Variants in EPHA4 observed in about 807,000 individuals in gnomAD.
EPHA4 encodes ephrin type-A receptor 4.
In EPHA4, 19 loss-of-function variants were observed where a neutral mutation model predicts 108.3. The ratio of observed to expected loss-of-function variants is 0.18; its 90% CI spans 0.12 to 0.26. The LOEUF (loss-of-function observed/expected upper bound fraction) is 0.26. Ranked by LOEUF, EPHA4 falls within the 10% of genes least tolerant of loss-of-function variation. The pLI is 1.00. For synonymous variants in EPHA4, 449 were observed against 455.5 expected (o/e 0.99, Z 0.18); for missense variants, 917 against 1,254.0 (o/e 0.73, Z 4.06).
chr2:221,508,123 C>T (rs1260783260), intron 3 of EPHA4, among the ~76,000 whole-genome samples: 1 of 152,122 alleles, frequency 6.6e-6, no homozygotes, highest in African/African-American at 2.4e-5. Flanking sequence ...TAAATAGACC[C>T]GTGTCTAAGT....
intron 2 of EPHA4, among the ~76,000 whole-genome samples, chr2:221,566,866 A>G (rs141309551): frequency 0.14 from 6,391 of 45,406 alleles, 1,397 homozygotes; most frequent in African/African-American, 0.27. Flanking sequence ...GAAGAAGAAG[A>G]AGAAGAAGAA....
Position 221,499,715 on chromosome 2 carries a change from A to AAT in EPHA4, c.979+1300_979+1301dup, listed in dbSNP as rs369326575. On this transcript the variant is annotated intron_variant, in intron 4 of 17. Coordinates refer to ENST00000281821, the MANE Select transcript of EPHA4 (RefSeq NM_004438.5). Reference sequence around the variant, plus strand: ...AATAGTCATAATGATAACTAAAACTAATATATATATATATATATATATATA... The same window carrying AAT: ...AATAGTCATAATGATAACTAAAACTAATATATATATATATATATATATATATA... 4.9e-3 allele frequency among the ~76,000 whole-genome samples: 239 copies of AAT among 48,444 alleles called. 3 individuals carry two copies. Among genetic ancestry groups the AAT allele is most frequent in the Admixed American group, 7.7e-3 (18 of 2,326 alleles). 31.8% of individuals were successfully genotyped at this position (48,444 alleles called of 152,430 possible). A position where few individuals can be genotyped will look rare whatever the true frequency, so the allele number is the denominator to read the frequency against.
At chr2:221,438,221 C>A (rs1690308160) in intron 11 of EPHA4, among the ~76,000 whole-genome samples, 1 of 151,836 alleles carries the variant, frequency 6.6e-6, no homozygotes, top group South Asian at 2.1e-4. Flanking sequence ...ATTTTAAGCT[C>A]TGAGCAGAAT....
chr2:221,477,147 T>C (rs1039666368), intron 5 of EPHA4, among the ~76,000 whole-genome samples: 2 of 152,118 alleles, frequency 1.3e-5, no homozygotes, highest in African/African-American at 4.8e-5. Context: ...GTTCATCTGA[T>C]GGCAAAACAG....
At chr2:221,536,484 C>T (rs1693672886) in intron 3 of EPHA4, among the ~76,000 whole-genome samples, 1 of 152,186 alleles carries the variant, frequency 6.6e-6, no homozygotes, top group African/African-American at 2.4e-5. Context: ...TCCCCAAATC[C>T]TCATTAATTC....
At chr2:221,522,902 G>T (rs999953397) in intron 3 of EPHA4, among the ~76,000 whole-genome samples, 2 of 151,872 alleles carry the variant, frequency 1.3e-5, no homozygotes, top group African/African-American at 2.4e-5. Context: ...TGAGTAGCTG[G>T]GATTACAGGT....
At chr2:221,537,453 C>T (rs532314101) in intron 3 of EPHA4, among the ~76,000 whole-genome samples, 1 of 152,286 alleles carries the variant, frequency 6.6e-6, no homozygotes, top group African/African-American at 2.4e-5. Context: ...ATTAAATCCA[C>T]CTTAAGGGAC....
At chr2:221,439,176 A>T (rs1250545295) in intron 11 of EPHA4, among the ~76,000 whole-genome samples, 3 of 152,134 alleles carry the variant, frequency 2.0e-5, no homozygotes, top group Admixed American at 2.0e-4. Context: ...AAAAAGTGGG[A>T]ATCTTGGTGC....
chr2:221,478,883 CA>C (rs1341728991), intron 5 of EPHA4, among the ~76,000 whole-genome samples: 1 of 152,216 alleles, frequency 6.6e-6, no homozygotes, highest in African/African-American at 2.4e-5. Context: ...CACATCCTTC[CA>C]TCAGCTTATC....
At chr2:221,538,909 T>G (rs1242530319) in intron 3 of EPHA4, among the ~76,000 whole-genome samples, 1 of 152,254 alleles carries the variant, frequency 6.6e-6, no homozygotes, top group Non-Finnish European at 1.5e-5. Context: ...TAGGACTCTA[T>G]GTACTGTATT....
chr2:221,509,827 G>T (rs73994266), intron 3 of EPHA4, among the ~76,000 whole-genome samples: 1,900 of 152,196 alleles, frequency 0.012, 49 homozygotes, highest in African/African-American at 0.044. Context: ...GTCTCTTTTT[G>T]CCCTGCAGAA....
chr2:221,513,887 G>C (rs2106167569), intron 3 of EPHA4, among the ~76,000 whole-genome samples: 1 of 152,228 alleles, frequency 6.6e-6, no homozygotes, highest in South Asian at 2.1e-4. Flanking sequence ...TCCCTGAAGA[G>C]ACCTAGTCTA....
At chr2:221,564,789 A>C (rs1219794169) in intron 2 of EPHA4, among the ~76,000 whole-genome samples, 2 of 151,128 alleles carry the variant, frequency 1.3e-5, no homozygotes, top group Non-Finnish European at 2.9e-5. Context: ...CTGAGCAGAG[A>C]CCTGCAAATT....
At chr2:221,523,292 AT>A (rs1175259687) in intron 3 of EPHA4, among the ~76,000 whole-genome samples, 73 of 147,070 alleles carry the variant, frequency 5.0e-4, no homozygotes, top group Non-Finnish European at 5.6e-4. Flanking sequence ...TTAGTCAATA[AT>A]TTTTTTTTTT....
At chr2:221,515,087 C>T (rs549559799) in intron 3 of EPHA4, among the ~76,000 whole-genome samples, 32 of 152,244 alleles carry the variant, frequency 2.1e-4, no homozygotes, top group Middle Eastern at 3.4e-3. Flanking sequence ...TTACAAGATG[C>T]TACCTCAATT....
intron 2 of EPHA4, 150 bp from the exon 3 acceptor site, chr2:221,564,544 T>C (rs1187068552): frequency 6.7e-6 from 5 of 750,676 alleles, no homozygotes; most frequent in Non-Finnish European, 1.1e-5. Flanking sequence ...TAAAGGATCT[T>C]ATGGGAGATA....
chr2:221,563,201 A>G (rs901332340), intron 3 of EPHA4, among the ~76,000 whole-genome samples: 1 of 152,198 alleles, frequency 6.6e-6, no homozygotes, highest in Non-Finnish European at 1.5e-5. Flanking sequence ...TTGTTGGGTC[A>G]TATCTCCACC....
At chr2:221,561,144 A>G (rs1057331427) in intron 3 of EPHA4, among the ~76,000 whole-genome samples, 2 of 152,142 alleles carry the variant, frequency 1.3e-5, no homozygotes, top group Non-Finnish European at 1.5e-5. Flanking sequence ...TGGGAGGCTG[A>G]GGCAGGAGAA....
intron 4 of EPHA4, among the ~76,000 whole-genome samples, chr2:221,485,335 A>G (rs1264571139): frequency 6.6e-6 from 1 of 152,190 alleles, no homozygotes; most frequent in Middle Eastern, 3.2e-3. Context: ...CTGGCACGAA[A>G]ACACGTGCTA....
Sources: gnomAD v4.1 joint callset for allele counts (sites outside exome capture counted in the v4.1 genomes callset) on GRCh38, gnomAD v4.1.1 for gene constraint, MANE v1.5 for transcripts, NCBI Gene and HGNC (gene_info 2026-07-23, HGNC 2026-07-21) for gene names.